The following PCLO variants were observed in gnomAD, a reference collection of about 807,000 sequenced individuals.
The protein encoded by PCLO is piccolo presynaptic cytomatrix protein.
Under a neutral mutation model 427.5 loss-of-function variants are expected in PCLO, and 82 were observed. The observed-to-expected ratio is 0.19, with a 90% confidence interval of 0.16 to 0.23. The LOEUF is 0.23. PCLO is among the 10% of genes least tolerant of loss of function. The pLI, the probability that PCLO is intolerant of heterozygous loss-of-function variation, is 1.00. For missense variants in PCLO, 6,239 were observed against 6,115.9 expected, an observed-to-expected ratio of 1.02 and a Z score of -0.67; for synonymous variants, 2,357 against 2,155.4, an observed-to-expected ratio of 1.09 and a Z score of -2.59.
chr7:83,135,696 G>T (rs2116620744), intron 2 of PCLO, 40 bp from the exon 3 acceptor site: 1 of 1,313,656 alleles, frequency 7.6e-7, no homozygotes, highest in Non-Finnish European at 1.0e-6. Flanking sequence ...AGACAATACT[G>T]TAAAAACACA....
intron 10 of PCLO, among the ~76,000 whole-genome samples, chr7:82,866,601 TAA>T (rs1367271885): frequency 6.6e-6 from 1 of 150,590 alleles, no homozygotes; most frequent in African/African-American, 2.4e-5. Flanking sequence ...AAAAGTAGCT[TAA>T]GAGAAAAATA....
rs1000697594 is a variant in PCLO at position 82,955,839 on chromosome 7, G to T, written c.5114C>A (p.Thr1705Lys). 1.2e-6 allele frequency: 2 copies of T among 1,613,900 alleles called. No homozygotes were observed. Among genetic ancestry groups the T allele is most frequent in the South Asian group, 1.1e-5 (1 of 91,088 alleles). The change falls in exon 5 of 25, where the codon ACA (threonine) becomes AAA (lysine). Residue 1705 changes from threonine (T) to lysine (K), a missense_variant. Thr to Lys is a moderately conservative substitution (Grantham distance 78). This residue lies in a region of PCLO where 4,677 missense variants were observed against 4,468.4 expected (regional missense o/e 1.05). Transcript: ENST00000333891. ...CCTTGACCTATCTTCAGGTGAGTCT[G>T]TCAGGCTTTCCATTTCCAATTCTGG... ...EEPELEMESL[T>K]DSPEDRSRGE...
rs781248824 is a variant in PCLO, at chr7:83,134,239, ATAT to A, written c.3300+8_3300+10del. 31 of 1,023,584 alleles carry A rather than the reference ATAT, an allele frequency of 3.0e-5. 2 individuals carry two copies. In the Middle Eastern group the frequency reaches 8.6e-4, roughly 28 times the overall value. 63.4% of individuals were successfully genotyped at this position (1,023,584 alleles called of 1,614,324 possible). ...ATGTAATATATATATATATATATAT[ATAT>A]AACTTACCTCAGTCAAATGTGGTGT... On this transcript the variant is annotated splice_region_variant and intron_variant, in intron 3 of 24. Transcript: ENST00000333891.
At chr7:82,909,731 T>C (rs1794276529) in intron 7 of PCLO, among the ~76,000 whole-genome samples, 1 of 152,074 alleles carries the variant, frequency 6.6e-6, no homozygotes, top group Non-Finnish European at 1.5e-5. Context: ...GGAACATGTG[T>C]GCCATGATTA....
chr7:82,863,378 GT>G (rs1464637429), intron 10 of PCLO, among the ~76,000 whole-genome samples: 1 of 151,926 alleles, frequency 6.6e-6, no homozygotes, highest in Non-Finnish European at 1.5e-5. Context: ...ATAAAATTAT[GT>G]GTCAAGTTAT....
At chr7:82,940,625 G>C (rs1795059426) in intron 6 of PCLO, among the ~76,000 whole-genome samples, 1 of 150,728 alleles carries the variant, frequency 6.6e-6, no homozygotes, top group Admixed American at 6.6e-5. Flanking sequence ...TCCCTCAAGA[G>C]TTATTTATCA....
At chr7:83,062,736 A>C (rs568803570) in intron 3 of PCLO, among the ~76,000 whole-genome samples, 72 of 152,162 alleles carry the variant, frequency 4.7e-4, no homozygotes, top group African/African-American at 1.7e-3. Flanking sequence ...TGCAAATTCA[A>C]AACTTTGTAT....
intron 3 of PCLO, among the ~76,000 whole-genome samples, chr7:82,987,198 A>C (rs769388511): frequency 6.6e-6 from 1 of 152,012 alleles, no homozygotes; most frequent in Non-Finnish European, 1.5e-5. Context: ...ATTATGACAA[A>C]GTAGTTAATA....
chr7:83,003,121 A>G (rs187417503), intron 3 of PCLO, among the ~76,000 whole-genome samples: 14 of 151,382 alleles, frequency 9.2e-5, no homozygotes, highest in Non-Finnish European at 1.8e-4. Flanking sequence ...CCTATATTTT[A>G]TATTTTATCT....
chr7:82,954,265 T>A lies in PCLO; in HGVS notation c.6688A>T (p.Thr2230Ser), dbSNP rs1477169189. ...TCTATAATGCTGCCTGGAAAATAAG[T>A]TGATGAAGAAATTTCCTCAGAATCT... is the stretch of plus-strand genomic sequence containing the variant. ...FEDSEEISSS[T>S]YFPGSIIDYP... Residue 2230 changes from threonine (T) to serine (S), a missense_variant, in exon 5 of 25, where the codon ACT (threonine) becomes TCT (serine). Coordinates refer to ENST00000333891, the MANE Select transcript of PCLO (RefSeq NM_033026.6). The A allele has an allele frequency of 1.2e-6, 2 of 1,613,636 alleles. No homozygotes were observed. The highest frequency in any genetic ancestry group is 2.7e-5 in the African/African-American group (2 of 74,934).
intron 13 of PCLO, among the ~76,000 whole-genome samples, chr7:82,844,777 G>C (rs1792456881): frequency 6.6e-6 from 1 of 151,958 alleles, no homozygotes; most frequent in African/African-American, 2.4e-5. Context: ...ATGAAGATTT[G>C]CATCAATAAA....
chr7:82,773,783 C>A (rs762195934), intron 22 of PCLO, among the ~76,000 whole-genome samples: 41 of 151,786 alleles, frequency 2.7e-4, no homozygotes, highest in Non-Finnish European at 5.1e-4. Flanking sequence ...TCTTTTGCCC[C>A]AAGAGGAAGA....
chr7:83,066,607 C>T (rs1025563544), intron 3 of PCLO, among the ~76,000 whole-genome samples: 11 of 152,118 alleles, frequency 7.2e-5, no homozygotes, highest in East Asian at 5.8e-4. Flanking sequence ...TTTTTGTATG[C>T]GAGACCTATA....
intron 9 of PCLO, among the ~76,000 whole-genome samples, chr7:82,901,589 C>T (rs1230542079): frequency 6.6e-6 from 1 of 152,040 alleles, no homozygotes; most frequent in African/African-American, 2.4e-5. Context: ...TCTAATTAAA[C>T]TAAAGAGCCT....
chr7:83,154,989 G>A lies in PCLO; in HGVS notation c.1652C>T (p.Ala551Val). ...GCTTACTGGTTTTGTAGATTGCTGA[G>A]CCGAGGGCTTTGCTGGGCTAGGCTG... ...AQQPSPAKPS[A>V]QQSTKPVSQT... The change falls in exon 2 of 25, where the codon GCT becomes GTT. Residue 551 changes from alanine to valine, a missense_variant. Physicochemically the swap from Ala to Val is moderately conservative, Grantham distance 64. Coordinates refer to ENST00000333891, the MANE Select transcript of PCLO (RefSeq NM_033026.6). The A allele has an allele frequency of 6.2e-7, 1 of 1,614,020 alleles. No individual in the cohort carries two copies. The highest frequency in any genetic ancestry group is 8.5e-7 in the Non-Finnish European group (1 of 1,179,898).
intron 22 of PCLO, among the ~76,000 whole-genome samples, chr7:82,774,149 G>A (rs61576763): frequency 0.063 from 9,644 of 152,120 alleles, 704 homozygotes; most frequent in African/African-American, 0.18. Flanking sequence ...TCCCTTTGTA[G>A]GAGCTCATTT....
rs559806129 is a variant in PCLO, at chr7:83,131,713, G to A, written c.3300+2537C>T. ...CCCTCTGAGACTGGCATGGAAGTACGGTACTAACCAGCCAAGCAGAAAATA... is the reference window on the plus strand; with the variant it reads ...CCCTCTGAGACTGGCATGGAAGTACAGTACTAACCAGCCAAGCAGAAAATA... On this transcript the variant is annotated intron_variant, in intron 3 of 24. Coordinates refer to ENST00000333891, the MANE Select transcript of PCLO (RefSeq NM_033026.6). 1.4e-3 allele frequency among the ~76,000 whole-genome samples: 206 copies of A among 151,962 alleles called. 1 individual carries two copies. Among genetic ancestry groups the A allele is most frequent in the Non-Finnish European group, 2.5e-3 (171 of 67,986 alleles).
Position 82,955,062 on chromosome 7 carries a change from G to T in PCLO, c.5891C>A (p.Thr1964Lys). ...ACTGCCATCTACCGATCCATTGTAC[G>T]TGTCTTCTACTAAAGATTCATAAAT... is the stretch of plus-strand genomic sequence containing the variant. Reference protein sequence around the residue: ...DYIYESLVEDTYNGSVDGSLL... With the variant: ...DYIYESLVEDKYNGSVDGSLL... Residue 1964 changes from threonine (T) to lysine (K), a missense_variant, in exon 5 of 25, where the codon ACG (threonine) becomes AAG (lysine). By Grantham distance (78) the Thr-to-Lys change is moderately conservative. Around this residue, in one of 5 missense-constraint regions of PCLO, gnomAD observed 4,677 missense variants for 4,468.4 expected, o/e 1.05. Transcript: ENST00000333891. The T allele has an allele frequency of 1.2e-6, 2 of 1,613,530 alleles. No individual in the cohort carries two copies. Among genetic ancestry groups the T allele is most frequent in the South Asian group, 2.2e-5 (2 of 91,072 alleles).
At chr7:82,821,851 G>A (rs1791800219) in intron 20 of PCLO, 10 of 982,050 alleles carry the variant, frequency 1.0e-5, no homozygotes, top group Non-Finnish European at 1.2e-5. Flanking sequence ...GTAGTTTTTT[G>A]AGAATGTAAG....
Sources: gnomAD v4.1 joint callset for allele counts (sites outside exome capture counted in the v4.1 genomes callset) on GRCh38, gnomAD v4.1.1 for gene constraint, gnomAD v4.1.1 regional missense constraint, MANE v1.5 for transcripts, NCBI Gene and HGNC (gene_info 2026-07-23, HGNC 2026-07-21) for gene names.